The following RFTN1 variants were observed in gnomAD, a reference collection of about 807,000 sequenced individuals.
RFTN1 encodes raftlin, lipid raft linker 1.
In RFTN1, 26 loss-of-function variants were observed where a neutral mutation model predicts 46.5. The ratio of observed to expected loss-of-function variants is 0.56; its 90% CI spans 0.41 to 0.78. The LOEUF (loss-of-function observed/expected upper bound fraction) is 0.78. Among genes scored for constraint, RFTN1 ranks in the 30% least tolerant of loss-of-function variants. The pLI, the probability that RFTN1 is intolerant of heterozygous loss-of-function variation, is 0.00. For synonymous variants in RFTN1, 261 were observed against 284.2 expected (o/e 0.92, Z 0.82); for missense variants, 693 against 718.7 (o/e 0.96, Z 0.41).
At chr3:16,467,173 G>A (rs2076110873) in intron 2 of RFTN1, among the ~76,000 whole-genome samples, 1 of 152,108 alleles carries the variant, frequency 6.6e-6, no homozygotes, top group South Asian at 2.1e-4. Context: ...GGGAACCAGT[G>A]GGAGGAATGA....
chr3:16,445,525 C>T (rs922774914), intron 2 of RFTN1, among the ~76,000 whole-genome samples: 8 of 98,822 alleles, frequency 8.1e-5, no homozygotes, highest in Non-Finnish European at 1.1e-4. Context: ...ACACACAGCT[C>T]TCTACCAGCG....
chr3:16,316,037 A>G lies in RFTN1; in HGVS notation c.*791T>C, dbSNP rs998646026. ...GCATACATGGGTAACAACTTGACCA[A>G]TGTTACACTGATTAAAATAGCACAT... On this transcript the variant is annotated 3_prime_UTR_variant, in exon 10 of 10. Coordinates refer to ENST00000334133, the MANE Select transcript of RFTN1 (RefSeq NM_015150.2). This position sits in a 1 kb window ranked among gnomAD's most constrained non-coding sequence, Gnocchi z 4.5. 2.6e-5 allele frequency: 4 copies of G among 152,592 alleles called. No homozygotes were observed. Among genetic ancestry groups the G allele is most frequent in the Non-Finnish European group, 1.5e-5 (1 of 68,116 alleles). The allele number at this position is 152,592 out of a possible 1,614,324, so 9.5% of individuals were successfully genotyped here.
At position 16,345,836 on chromosome 3, in the gene RFTN1, ACG is replaced by A. The variant is rs1491500683; in HGVS notation, c.1146+12094_1146+12095del. ...TGTGTGTGCGCGCGCGCGTGCGCGCACGCGCACATGTGCATGTGTATGTGTAT... is the reference window on the plus strand; with the variant it reads ...TGTGTGTGCGCGCGCGCGTGCGCGCACGCACATGTGCATGTGTATGTGTAT... On this transcript the variant is annotated intron_variant, in intron 7 of 9. Transcript: ENST00000334133. This position sits in a 1 kb window ranked among gnomAD's most constrained non-coding sequence, Gnocchi z 5.2. Among the ~76,000 whole-genome samples the A allele has an allele frequency of 0.079, 5,050 of 63,646 alleles. 306 individuals are homozygous for A. Among genetic ancestry groups the A allele is most frequent in the African/African-American group, 0.2 (4,713 of 23,544 alleles). 41.8% of individuals were successfully genotyped at this position (63,646 alleles called of 152,430 possible). A position where few individuals can be genotyped will look rare whatever the true frequency, so the allele number is the denominator to read the frequency against.
At position 16,327,761 on chromosome 3, in the gene RFTN1, CAA is replaced by C. The variant is rs35510968; in HGVS notation, c.1147-887_1147-886del. ...GGGTGACAGAGCGGGATTCCCATCT[CAA>C]AAAAAAAAACAAAACGAAAAAAACT... On this transcript the variant is annotated intron_variant, in intron 7 of 9. Coordinates refer to ENST00000334133, the MANE Select transcript of RFTN1 (RefSeq NM_015150.2). This position sits in a 1 kb window ranked among gnomAD's most constrained non-coding sequence, Gnocchi z 4.2. 1.4e-5 allele frequency among the ~76,000 whole-genome samples: 2 copies of C among 145,672 alleles called. No individual in the cohort carries two copies. The highest frequency in any genetic ancestry group is 2.5e-5 in the African/African-American group (1 of 39,562).
At position 16,484,898 on chromosome 3, in the gene RFTN1, C is replaced by T. The variant is rs1008333839; in HGVS notation, c.145+8827G>A. On this transcript the variant is annotated intron_variant, in intron 2 of 9. Transcript: ENST00000334133. The surrounding 1 kb of genome is among the most constrained non-coding windows in gnomAD (Gnocchi z 4.6). Reference sequence around the variant, plus strand: ...ACCGTGGGGGTGACTCCACCTACCTCATAAGATTGTTGTTAGTTTGTTTAG... The same window carrying T: ...ACCGTGGGGGTGACTCCACCTACCTTATAAGATTGTTGTTAGTTTGTTTAG... The T allele has an allele frequency of 6.6e-6, 1 of 152,236 alleles. No homozygotes were observed. Among genetic ancestry groups the T allele is most frequent in the Non-Finnish European group, 1.5e-5 (1 of 68,040 alleles). The allele number at this position is 152,236 out of a possible 1,614,324, so 9.4% of individuals were successfully genotyped here.
In RFTN1 at chr3:16,402,241, C is replaced by T. The variant is rs2074624292; in HGVS notation, c.441+7134G>A. 6.6e-6 allele frequency among the ~76,000 whole-genome samples: 1 copy of T among 152,192 alleles called. No homozygotes were observed. Among genetic ancestry groups the T allele is most frequent in the Non-Finnish European group, 1.5e-5 (1 of 68,018 alleles). ...ACACGAAGGTTTAGTGAGTATTCCT[C>T]TTTCTCTTTCAATGTATCCATTAAC... On this transcript the variant is annotated intron_variant, in intron 4 of 9. Coordinates refer to ENST00000334133, the MANE Select transcript of RFTN1 (RefSeq NM_015150.2). This position sits in a 1 kb window ranked among gnomAD's most constrained non-coding sequence, Gnocchi z 4.5.
At chr3:16,330,288 G>T (rs2070181054) in intron 7 of RFTN1, among the ~76,000 whole-genome samples, 2 of 152,182 alleles carry the variant, frequency 1.3e-5, no homozygotes, top group South Asian at 4.1e-4. Context: ...AATGGTCTTG[G>T]CTTAATTAAT....
rs962929984 is a variant in RFTN1, at chr3:16,425,349, T to G, written c.332+8502A>C. On this transcript the variant is annotated intron_variant, in intron 3 of 9. Transcript: ENST00000334133. The surrounding 1 kb of genome is among the most constrained non-coding windows in gnomAD (Gnocchi z 4.3). ...CAAGTTTTAAGATTAACAGGAAATT[T>G]CAAAGAAATTCAGTGCTTGTGCATT... Among the ~76,000 whole-genome samples the G allele has an allele frequency of 6.6e-6, 1 of 152,216 alleles. No homozygotes were observed. The highest frequency in any genetic ancestry group is 2.4e-5 in the African/African-American group (1 of 41,450).
chr3:16,316,925 A>G lies in RFTN1; in HGVS notation c.1640T>C (p.Leu547Pro). The change falls in exon 10 of 10, where the codon CTG becomes CCG. Residue 547 changes from leucine to proline, a missense_variant. Transcript: ENST00000334133. This position sits in a 1 kb window ranked among gnomAD's most constrained non-coding sequence, Gnocchi z 4.5. Reference sequence around the variant, plus strand: ...GGAGTGCCCAGTGCAAATCCCCACCAGGGCCCTGCTGTGGCTGGCAGGACC... The same window carrying G: ...GGAGTGCCCAGTGCAAATCCCCACCGGGGCCCTGCTGTGGCTGGCAGGACC... ...QNGPASHSRA[L>P]VGICTGHSNP... 1 of 1,614,074 alleles carries G rather than the reference A, an allele frequency of 6.2e-7. No individual in the cohort carries two copies. The highest frequency in any genetic ancestry group is 1.7e-5 in the Admixed American group (1 of 60,018).
At position 16,484,881 on chromosome 3, in the gene RFTN1, G is replaced by C. The variant is rs903687452; in HGVS notation, c.145+8844C>G. 1 of 152,128 alleles carries C rather than the reference G, an allele frequency of 6.6e-6. No individual in the cohort carries two copies. Among genetic ancestry groups the C allele is most frequent in the African/African-American group, 2.4e-5 (1 of 41,408 alleles). The allele number at this position is 152,128 out of a possible 1,614,324, so 9.4% of individuals were successfully genotyped here. ...TCAATTTATTCTTCTATACCGTGGGGGTGACTCCACCTACCTCATAAGATT... is the reference window on the plus strand; with the variant it reads ...TCAATTTATTCTTCTATACCGTGGGCGTGACTCCACCTACCTCATAAGATT... On this transcript the variant is annotated intron_variant, in intron 2 of 9. Transcript: ENST00000334133. This position sits in a 1 kb window ranked among gnomAD's most constrained non-coding sequence, Gnocchi z 4.6.
At chr3:16,435,053 C>T (rs2075475629) in intron 2 of RFTN1, among the ~76,000 whole-genome samples, 1 of 152,174 alleles carries the variant, frequency 6.6e-6, no homozygotes, top group Non-Finnish European at 1.5e-5. Flanking sequence ...TCAAAAGGTA[C>T]AAATGTGTAT....
In RFTN1 at chr3:16,446,850, T is replaced by C. The variant is rs1400041186; in HGVS notation, c.146-12813A>G. On this transcript the variant is annotated intron_variant, in intron 2 of 9. Transcript: ENST00000334133. This position sits in a 1 kb window ranked among gnomAD's most constrained non-coding sequence, Gnocchi z 4.5. ...GTTATTATCATCAAGGTCTCGACTC[T>C]GTAACAAAATTTCACACTGGTTTAT... Among the ~76,000 whole-genome samples the C allele has an allele frequency of 6.6e-6, 1 of 152,232 alleles. No individual in the cohort carries two copies. Among genetic ancestry groups the C allele is most frequent in the African/African-American group, 2.4e-5 (1 of 41,466 alleles).
At position 16,370,588 on chromosome 3, in the gene RFTN1, A is replaced by G. The variant is rs2073455330; in HGVS notation, c.827-309T>C. On this transcript the variant is annotated intron_variant, in intron 5 of 9. Coordinates refer to ENST00000334133, the MANE Select transcript of RFTN1 (RefSeq NM_015150.2). This position sits in a 1 kb window ranked among gnomAD's most constrained non-coding sequence, Gnocchi z 5.5. ...AGCTAGGTGTTTGAGAAAAGAACAT[A>G]GCAGATGGTTCTAGAAATTCATACA... Among the ~76,000 whole-genome samples, 1 of 152,230 alleles carries G rather than the reference A, an allele frequency of 6.6e-6. No homozygotes were observed. The highest frequency in any genetic ancestry group is 1.5e-5 in the Non-Finnish European group (1 of 68,042).
chr3:16,340,210 G>T (rs980993728), intron 7 of RFTN1, among the ~76,000 whole-genome samples: 1 of 152,208 alleles, frequency 6.6e-6, no homozygotes, highest in Non-Finnish European at 1.5e-5. Flanking sequence ...TTGACTCTGA[G>T]CTGGTTTTGT....
At chr3:16,362,395 A>G (rs540539447) in intron 6 of RFTN1, among the ~76,000 whole-genome samples, 1 of 152,274 alleles carries the variant, frequency 6.6e-6, no homozygotes, top group South Asian at 2.1e-4. Context: ...TCAGGGAAAA[A>G]CAGCTGCTCT....
chr3:16,332,560 C>T (rs894421284), intron 7 of RFTN1, among the ~76,000 whole-genome samples: 4 of 152,092 alleles, frequency 2.6e-5, no homozygotes, highest in African/African-American at 9.7e-5. Flanking sequence ...TCTTACCACG[C>T]CACGTTAGGA....
At position 16,316,465 on chromosome 3, in the gene RFTN1, C is replaced by G; in HGVS notation, c.*363G>C. The G allele has an allele frequency of 3.3e-6, 1 of 305,480 alleles. No homozygotes were observed. The highest frequency in any genetic ancestry group is 6.2e-6 in the Non-Finnish European group (1 of 161,580). The allele number at this position is 305,480 out of a possible 1,614,324, so 18.9% of individuals were successfully genotyped here. ...GCCTTGGTTTGTAGCCCAGGGTGTC[C>G]ATGGATTTGACCCGAATGCTCCCTG... is the stretch of plus-strand genomic sequence containing the variant. On this transcript the variant is annotated 3_prime_UTR_variant, in exon 10 of 10. Transcript: ENST00000334133. This position sits in a 1 kb window ranked among gnomAD's most constrained non-coding sequence, Gnocchi z 4.5.
rs1408659222 is a variant in RFTN1, at chr3:16,504,371, A to G, written c.-9+9071T>C. Among the ~76,000 whole-genome samples, 1 of 152,196 alleles carries G rather than the reference A, an allele frequency of 6.6e-6. No homozygotes were observed. Among genetic ancestry groups the G allele is most frequent in the African/African-American group, 2.4e-5 (1 of 41,438 alleles). ...ACTGAACACCACCACCCTCATTTTC[A>G]GTTCCACACTGATTTTCTTAGCAAC... On this transcript the variant is annotated intron_variant, in intron 1 of 9. Coordinates refer to ENST00000334133, the MANE Select transcript of RFTN1 (RefSeq NM_015150.2). The surrounding 1 kb of genome is among the most constrained non-coding windows in gnomAD (Gnocchi z 4.4).
chr3:16,368,154 C>G (rs73041406), intron 6 of RFTN1, among the ~76,000 whole-genome samples: 11,882 of 152,102 alleles, frequency 0.078, 912 homozygotes, highest in African/African-American at 0.2. Flanking sequence ...AGGTTCCTCC[C>G]TGGCCTTCTC....
Sources: allele counts gnomAD v4.1 joint callset (sites outside exome capture counted in the v4.1 genomes callset), GRCh38; gene constraint gnomAD v4.1.1; non-coding constraint Gnocchi (gnomAD v3.1); transcripts MANE v1.5; gene names NCBI Gene and HGNC (gene_info 2026-07-23, HGNC 2026-07-21).